The following ADCY3 variants were observed in gnomAD, a reference collection of about 807,000 sequenced individuals.
ADCY3 encodes adenylate cyclase 3, also known as adenylate cyclase type 3.
Under a neutral mutation model 119.4 loss-of-function variants are expected in ADCY3, and 70 were observed. The ratio of observed to expected loss-of-function variants is 0.59; its 90% CI spans 0.48 to 0.72. The LOEUF (loss-of-function observed/expected upper bound fraction) is 0.72. Among genes scored for constraint, ADCY3 ranks in the 30% least tolerant of loss-of-function variants. The probability of loss-of-function intolerance (pLI) is 0.00; values close to 1 mark genes in which losing one functional copy is unlikely to be tolerated. For missense variants in ADCY3, 1,238 were observed against 1,541.6 expected, an observed-to-expected ratio of 0.80 and a Z score of 3.30; for synonymous variants, 672 against 621.4, an observed-to-expected ratio of 1.08 and a Z score of -1.21.
At chr2:24,883,750 A>G (rs572530255) in intron 2 of ADCY3, among the ~76,000 whole-genome samples, 1 of 152,234 alleles carries the variant, frequency 6.6e-6, no homozygotes, top group South Asian at 2.1e-4. Flanking sequence ...TGGAGACAGA[A>G]GATATTTAGG....
chr2:24,891,377 C>T (rs1677633644), intron 2 of ADCY3, among the ~76,000 whole-genome samples: 1 of 152,102 alleles, frequency 6.6e-6, no homozygotes, highest in Non-Finnish European at 1.5e-5. Flanking sequence ...GCCCTTTGTC[C>T]AACATATCCC....
rs1402883983 is a variant in ADCY3 at position 24,820,793 on chromosome 2, G to A, written c.3183C>T (p.Tyr1061=). ...CATTGACTGTATTGCCCCAGATGTC[G>A]TAGTGTGGTTTCCGGGCTCCGATGA... ...AGVIGARKPH[Y]DIWGNTVNVA... Residue 1061 remains tyrosine, a synonymous_variant, in exon 21 of 22, where the codon TAC becomes TAT. Coordinates refer to ENST00000679454, the MANE Select transcript of ADCY3 (RefSeq NM_004036.5). The A allele has an allele frequency of 8.1e-6, 13 of 1,613,942 alleles. No homozygotes were observed. The highest frequency in any genetic ancestry group is 2.2e-5 in the East Asian group (1 of 44,892).
At chr2:24,862,985 G>T (rs1286334662) in intron 3 of ADCY3, among the ~76,000 whole-genome samples, 1 of 152,122 alleles carries the variant, frequency 6.6e-6, no homozygotes, top group Admixed American at 6.5e-5. Flanking sequence ...CTGGTACTTG[G>T]CTCTCAGCTG....
At chr2:24,840,509 C>G (rs550030592) in intron 6 of ADCY3, 3 of 463,058 alleles carry the variant, frequency 6.5e-6, no homozygotes, top group Admixed American at 2.4e-5. Context: ...CAGGGCAATA[C>G]TAGACGGGCT....
chr2:24,886,362 G>A (rs115124751), intron 2 of ADCY3, among the ~76,000 whole-genome samples: 3,778 of 152,128 alleles, frequency 0.025, 161 homozygotes, highest in African/African-American at 0.086. Context: ...GCCGCCTTCC[G>A]CCTCCCCCTC....
Position 24,824,371 on chromosome 2 carries a change from C to A in ADCY3, c.2736+7G>T. On this transcript the variant is annotated splice_region_variant and intron_variant, in intron 17 of 21. Transcript: ENST00000679454. ...TCATGGTTCCGGGCTGAGACCACAC[C>A]CCTCACCTCATCTCTCTTCTTGGAC... is the stretch of plus-strand genomic sequence containing the variant. 1 of 1,613,760 alleles carries A rather than the reference C, an allele frequency of 6.2e-7. No individual in the cohort carries two copies. Among genetic ancestry groups the A allele is most frequent in the South Asian group, 1.1e-5 (1 of 91,066 alleles).
At chr2:24,869,279 C>T (rs765770398) in intron 3 of ADCY3, among the ~76,000 whole-genome samples, 39 of 151,996 alleles carry the variant, frequency 2.6e-4, no homozygotes, top group Admixed American at 1.8e-3. Context: ...GGGAAAAAAA[C>T]CTCTCTAAAA....
In ADCY3 at chr2:24,878,076, T is replaced by C; in HGVS notation, c.676-5357A>G. On this transcript the variant is annotated intron_variant, in intron 2 of 21. Transcript: ENST00000679454. The surrounding 1 kb of genome is among the most constrained non-coding windows in gnomAD (Gnocchi z 4.0). The stretch of plus-strand genomic sequence containing the variant: ...CTATTTATAGATCTTTTTACAAGTT[T>C]CTTAATCCTAAAGTTTTCCTGGAAA... 1 of 277,810 alleles carries C rather than the reference T, an allele frequency of 3.6e-6. No individual in the cohort carries two copies. The allele number at this position is 277,810 out of a possible 1,614,324, so 17.2% of individuals were successfully genotyped here. A position where few individuals can be genotyped will look rare whatever the true frequency, so the allele number is the denominator to read the frequency against.
intron 3 of ADCY3, among the ~76,000 whole-genome samples, chr2:24,857,163 C>T (rs1273045552): frequency 1.3e-5 from 2 of 152,234 alleles, no homozygotes; most frequent in East Asian, 1.9e-4. Context: ...GAGGGGACAC[C>T]GAACATGTGG....
intron 2 of ADCY3, among the ~76,000 whole-genome samples, chr2:24,890,251 T>C (rs902599068): frequency 6.6e-6 from 1 of 152,236 alleles, no homozygotes; most frequent in South Asian, 2.1e-4. Flanking sequence ...GATTTTTGCT[T>C]ACATGTGCAT....
intron 2 of ADCY3, among the ~76,000 whole-genome samples, chr2:24,893,997 C>T (rs1054756864): frequency 6.6e-6 from 1 of 152,114 alleles, no homozygotes; most frequent in Non-Finnish European, 1.5e-5. Context: ...TTCTACTTAT[C>T]TTACTGTTCT....
chr2:24,856,176 GGA>G (rs1672974612), intron 3 of ADCY3, among the ~76,000 whole-genome samples: 3 of 152,106 alleles, frequency 2.0e-5, no homozygotes, highest in Admixed American at 6.5e-5. Context: ...GTGTGAATGT[GGA>G]GAGTGTGTGT....
Position 24,841,711 on chromosome 2 carries a change from G to A in ADCY3, c.957-44C>T, listed in dbSNP as rs1671034938. ...GTGGGGGTGACGCTCCAGGCAGCCA[G>A]GTGTACCCGACCCCACTGCCAGCTC... On this transcript the variant is annotated intron_variant, in intron 4 of 21. Coordinates refer to ENST00000679454, the MANE Select transcript of ADCY3 (RefSeq NM_004036.5). This position sits in a 1 kb window ranked among gnomAD's most constrained non-coding sequence, Gnocchi z 5.8. 6.6e-7 allele frequency: 1 copy of A among 1,505,904 alleles called. No homozygotes were observed. Among genetic ancestry groups the A allele is most frequent in the African/African-American group, 1.4e-5 (1 of 72,920 alleles). 93.3% of individuals were successfully genotyped at this position (1,505,904 alleles called of 1,614,324 possible). A position where few individuals can be genotyped will look rare whatever the true frequency, so the allele number is the denominator to read the frequency against.
chr2:24,873,280 A>G (rs920600218), intron 2 of ADCY3, among the ~76,000 whole-genome samples: 3 of 152,170 alleles, frequency 2.0e-5, no homozygotes, highest in Non-Finnish European at 2.9e-5. Context: ...TTTACCTTAC[A>G]CATGTGTCAT....
chr2:24,819,631 C>G lies in ADCY3; in HGVS notation c.*301G>C. The G allele has an allele frequency of 3.8e-6, 1 of 262,940 alleles. No individual in the cohort carries two copies. The highest frequency in any genetic ancestry group is 7.2e-6 in the Non-Finnish European group (1 of 138,758). 16.3% of individuals were successfully genotyped at this position (262,940 alleles called of 1,614,324 possible). A position where few individuals can be genotyped will look rare whatever the true frequency, so the allele number is the denominator to read the frequency against. On this transcript the variant is annotated 3_prime_UTR_variant, in exon 22 of 22. Transcript: ENST00000679454. ...AGGCAGCTTTGTCCCAGCTCTGCCACCCTCCTGCTCACAGTGGTCAGGGCC... is the reference window on the plus strand; with the variant it reads ...AGGCAGCTTTGTCCCAGCTCTGCCAGCCTCCTGCTCACAGTGGTCAGGGCC...
intron 8 of ADCY3, 133 bp downstream of exon 8, chr2:24,838,312 C>T: frequency 1.1e-6 from 1 of 902,168 alleles, no homozygotes; most frequent in Non-Finnish European, 1.7e-6. Context: ...GCCAGCCTGC[C>T]ACTCACCTCT....
intron 3 of ADCY3, among the ~76,000 whole-genome samples, chr2:24,849,090 CA>C (rs1371670557): frequency 6.6e-6 from 1 of 152,232 alleles, no homozygotes; most frequent in Admixed American, 6.5e-5. Context: ...AACGTCACAG[CA>C]CCGTGCTGGC....
rs1194911482 is a variant in ADCY3, at chr2:24,824,401, G to A, written c.2713C>T (p.Leu905=). The change falls in exon 17 of 22, where the codon CTG becomes TTG. Residue 905 remains leucine, a synonymous_variant. Coordinates refer to ENST00000679454, the MANE Select transcript of ADCY3 (RefSeq NM_004036.5). ...MLPEHVARHF[L]GSKKRDEELY... ...ACCTCATCTCTCTTCTTGGACCCCA[G>A]GAAATGGCGTGCCACGTGCTCAGGC... 6.2e-7 allele frequency: 1 copy of A among 1,614,166 alleles called. No homozygotes were observed. The highest frequency in any genetic ancestry group is 1.7e-5 in the Admixed American group (1 of 60,020).
rs1363779233 is a variant in ADCY3 at position 24,827,884 on chromosome 2, A to G, written c.2432+18T>C. 1.2e-6 allele frequency: 2 copies of G among 1,613,278 alleles called. No individual in the cohort carries two copies. Among genetic ancestry groups the G allele is most frequent in the African/African-American group, 1.3e-5 (1 of 74,930 alleles). ...GAGGAAGGAGACAATACAGATCCCCAGTCACGCTTCATCTTACTCGTGCTC... is the reference window on the plus strand; with the variant it reads ...GAGGAAGGAGACAATACAGATCCCCGGTCACGCTTCATCTTACTCGTGCTC... On this transcript the variant is annotated intron_variant, in intron 14 of 21. Coordinates refer to ENST00000679454, the MANE Select transcript of ADCY3 (RefSeq NM_004036.5).
Sources: allele counts gnomAD v4.1 joint callset (sites outside exome capture counted in the v4.1 genomes callset), GRCh38; gene constraint gnomAD v4.1.1; non-coding constraint Gnocchi (gnomAD v3.1); transcripts MANE v1.5; gene names NCBI Gene and HGNC (gene_info 2026-07-23, HGNC 2026-07-21).